COLEC12: variants seen among roughly 807,000 people sequenced by gnomAD.
COLEC12 encodes collectin subfamily member 12.
A neutral mutation model predicts 71.1 loss-of-function variants in COLEC12; 33 were observed. That is an observed-to-expected ratio of 0.46 (90% CI 0.35 to 0.62). COLEC12 has a LOEUF of 0.62. COLEC12 is among the 20% of genes least tolerant of loss of function. The pLI is 0.00. For synonymous variants in COLEC12, 350 were observed against 353.0 expected (o/e 0.99, Z 0.10); for missense variants, 765 against 916.1 (o/e 0.84, Z 2.13).
At chr18:459,099 C>T (rs372484300) in intron 2 of COLEC12, among the ~76,000 whole-genome samples, 1 of 152,316 alleles carries the variant, frequency 6.6e-6, no homozygotes, top group African/African-American at 2.4e-5. Flanking sequence ...GCTATCCTCC[C>T]TCCTTGGCCT....
At chr18:436,181 C>T (rs1371130880) in intron 2 of COLEC12, among the ~76,000 whole-genome samples, 2 of 152,174 alleles carry the variant, frequency 1.3e-5, no homozygotes, top group African/African-American at 4.8e-5. Flanking sequence ...AGGGAACTAG[C>T]TAGAGAAAGA....
At chr18:470,530 A>G (rs1917174892) in intron 2 of COLEC12, among the ~76,000 whole-genome samples, 1 of 151,992 alleles carries the variant, frequency 6.6e-6, no homozygotes, top group South Asian at 2.1e-4. Context: ...CCACCACCCC[A>G]GAGGCCAGGA....
chr18:322,921 AT>A (rs1162248578), intron 8 of COLEC12, among the ~76,000 whole-genome samples: 1 of 152,106 alleles, frequency 6.6e-6, no homozygotes, highest in Non-Finnish European at 1.5e-5. Flanking sequence ...GTATTTTGGG[AT>A]TTAAAAAAAA....
chr18:380,972 G>A (rs1915219548), intron 2 of COLEC12, among the ~76,000 whole-genome samples: 1 of 152,158 alleles, frequency 6.6e-6, no homozygotes, highest in African/African-American at 2.4e-5. Context: ...TCTATCTGGA[G>A]AGCCATATAT....
chr18:449,700 G>A (rs1206621943), intron 2 of COLEC12, among the ~76,000 whole-genome samples: 9 of 152,304 alleles, frequency 5.9e-5, no homozygotes, highest in Admixed American at 3.9e-4. Flanking sequence ...CAGTCCGGGC[G>A]GAGTCTGCTT....
At chr18:482,349 G>C (rs1917438121) in intron 1 of COLEC12, among the ~76,000 whole-genome samples, 1 of 152,012 alleles carries the variant, frequency 6.6e-6, no homozygotes, top group Non-Finnish European at 1.5e-5. Context: ...CCTGACCTTA[G>C]GTGATCCACC....
intron 2 of COLEC12, among the ~76,000 whole-genome samples, chr18:373,587 C>A (rs1333973890): frequency 6.6e-6 from 1 of 152,144 alleles, no homozygotes; most frequent in East Asian, 1.9e-4. Flanking sequence ...CATTCCAGGG[C>A]ATGGGATCAG....
Position 319,331 on chromosome 18 carries a change from A to ATATATATATATATATATATAT in COLEC12, c.*713_*714insATATATATATATATATATATA, listed in dbSNP as rs1431727726. 2 of 54,690 alleles carry ATATATATATATATATATATAT rather than the reference A, an allele frequency of 3.7e-5. No individual in the cohort carries two copies. Among genetic ancestry groups the ATATATATATATATATATATAT allele is most frequent in the Non-Finnish European group, 4.2e-5 (1 of 23,544 alleles). 3.4% of individuals were successfully genotyped at this position (54,690 alleles called of 1,614,324 possible). On this transcript the variant is annotated 3_prime_UTR_variant, in exon 10 of 10. Transcript: ENST00000400256. ...GAGGAAATGAAACATTAAAAAAAAA[A>ATATATATATATATATATATAT]AAAAAAAAAAATATATATATATATA...
intron 2 of COLEC12, among the ~76,000 whole-genome samples, chr18:440,656 T>A (rs1356060070): frequency 6.6e-6 from 1 of 152,210 alleles, no homozygotes; most frequent in African/African-American, 2.4e-5. Flanking sequence ...CTCAAGTCCC[T>A]TATCAGTCTT....
Position 497,609 on chromosome 18 carries a change from T to C in COLEC12, c.7+2899A>G, listed in dbSNP as rs116661438. Among the ~76,000 whole-genome samples the C allele has an allele frequency of 6.4e-3, 979 of 152,342 alleles. 10 individuals are homozygous for C. The highest frequency in any genetic ancestry group is 0.024 in the Middle Eastern group (7 of 294). The stretch of plus-strand genomic sequence containing the variant: ...TTAGTAGAGACAGGGTTTCATTACA[T>C]GTTGGCCAGGCTGGTTTCACTATAT... On this transcript the variant is annotated intron_variant, in intron 1 of 9. Transcript: ENST00000400256.
At chr18:411,380 A>G (rs1213430381) in intron 2 of COLEC12, among the ~76,000 whole-genome samples, 5 of 152,216 alleles carry the variant, frequency 3.3e-5, no homozygotes, top group African/African-American at 1.2e-4. Context: ...CAATCAATAG[A>G]TGCCAAGACT....
rs150144575 is a variant in COLEC12 at position 444,987 on chromosome 18, C to T, written c.58+35720G>A. On this transcript the variant is annotated intron_variant, in intron 2 of 9. Transcript: ENST00000400256. ...CTATTTATTAAGAAATTTTTCCTTA[C>T]GTATTATTTTTAAACGAAGGTCAAA... is the stretch of plus-strand genomic sequence containing the variant. Among the ~76,000 whole-genome samples the T allele has an allele frequency of 2.0e-3, 306 of 152,200 alleles. 1 individual carries two copies. The highest frequency in any genetic ancestry group is 6.8e-3 in the African/African-American group (281 of 41,536).
chr18:472,701 A>AAAAAAG (rs1555622344), intron 2 of COLEC12, among the ~76,000 whole-genome samples: 4 of 144,184 alleles, frequency 2.8e-5, no homozygotes, highest in East Asian at 4.6e-4. Flanking sequence ...AAAAAAAAAA[A>AAAAAAG]AAGAAGAAGA....
chr18:488,816 T>A (rs1446219632), intron 1 of COLEC12, among the ~76,000 whole-genome samples: 1 of 151,406 alleles, frequency 6.6e-6, no homozygotes, highest in Admixed American at 6.6e-5. Context: ...GAGGTTGCAA[T>A]GAGCTGAGAT....
chr18:422,592 A>AC (rs1916119294), intron 2 of COLEC12, among the ~76,000 whole-genome samples: 2 of 152,068 alleles, frequency 1.3e-5, no homozygotes, highest in Admixed American at 1.3e-4. Context: ...TTCCAATTTT[A>AC]CCCCCCAGAG....
intron 8 of COLEC12, among the ~76,000 whole-genome samples, chr18:322,288 C>T (rs1913727140): frequency 1.3e-5 from 2 of 151,936 alleles, no homozygotes; most frequent in South Asian, 4.1e-4. Flanking sequence ...AGTCCAAGAG[C>T]CAGGAAGAGA....
At chr18:381,227 T>C (rs775884923) in intron 2 of COLEC12, among the ~76,000 whole-genome samples, 1 of 152,190 alleles carries the variant, frequency 6.6e-6, no homozygotes, top group Non-Finnish European at 1.5e-5. Context: ...TGAGACATAC[T>C]TCTGCTCTAA....
At chr18:405,697 A>T (rs1157594366) in intron 2 of COLEC12, among the ~76,000 whole-genome samples, 1 of 152,126 alleles carries the variant, frequency 6.6e-6, no homozygotes, top group African/African-American at 2.4e-5. Context: ...GTCAACACAA[A>T]TAAGTTATAG....
At chr18:337,144 T>G (rs925000924) in intron 5 of COLEC12, among the ~76,000 whole-genome samples, 1 of 152,178 alleles carries the variant, frequency 6.6e-6, no homozygotes, top group Non-Finnish European at 1.5e-5. Flanking sequence ...GTGCTGGGAT[T>G]ACAGGTGTGA....
Sources: gnomAD v4.1 joint callset for allele counts (sites outside exome capture counted in the v4.1 genomes callset) on GRCh38, gnomAD v4.1.1 for gene constraint, MANE v1.5 for transcripts, NCBI Gene and HGNC (gene_info 2026-07-23, HGNC 2026-07-21) for gene names.